The following ZZEF1 variants were observed in gnomAD, a reference collection of about 807,000 sequenced individuals.
ZZEF1 encodes zinc finger ZZ-type and EF-hand domain-containing protein 1.
A neutral mutation model predicts 342.8 loss-of-function variants in ZZEF1; 157 were observed. The ratio of observed to expected loss-of-function variants is 0.46; its 90% CI spans 0.40 to 0.52. The LOEUF (loss-of-function observed/expected upper bound fraction) is 0.52. Among genes scored for constraint, ZZEF1 ranks in the 20% least tolerant of loss-of-function variants. The pLI is 0.00. For missense variants in ZZEF1, 3,480 were observed against 3,725.6 expected, an observed-to-expected ratio of 0.93 and a Z score of 1.72; for synonymous variants, 1,505 against 1,429.1, an observed-to-expected ratio of 1.05 and a Z score of -1.20.
intron 3 of ZZEF1, among the ~76,000 whole-genome samples, chr17:4,115,529 G>A (rs1388748180): frequency 6.6e-6 from 1 of 152,022 alleles, no homozygotes; most frequent in African/African-American, 2.4e-5. Flanking sequence ...CAGGCACGGT[G>A]GCACGTGCCT....
chr17:4,077,098 C>T (rs1212905852), intron 19 of ZZEF1, 109 bp from the exon 20 acceptor site: 4 of 1,118,274 alleles, frequency 3.6e-6, no homozygotes, highest in Non-Finnish European at 4.7e-6. Flanking sequence ...GAGGGGGTTC[C>T]ACAGCGAAGA....
chr17:4,109,514 G>T, intron 6 of ZZEF1, 139 bp downstream of exon 6: 1 of 805,602 alleles, frequency 1.2e-6, no homozygotes, highest in Non-Finnish European at 2.0e-6. Flanking sequence ...GGCACGAACA[G>T]GAAACACTAG....
At chr17:4,087,601 T>C in intron 13 of ZZEF1, 67 bp from the exon 14 acceptor site, 27 of 1,334,300 alleles carry the variant, frequency 2.0e-5, no homozygotes, top group Non-Finnish European at 2.8e-5. Context: ...CTGTAATGCC[T>C]CATTTACTTC....
intron 43 of ZZEF1, among the ~76,000 whole-genome samples, chr17:4,023,872 C>A (rs1333247770): frequency 6.6e-6 from 1 of 151,958 alleles, no homozygotes; most frequent in Non-Finnish European, 1.5e-5. Context: ...ACAAACAAAC[C>A]AACCAACAAA....
At position 4,125,827 on chromosome 17, in the gene ZZEF1, T is replaced by C. The variant is rs2058564195; in HGVS notation, c.355-1776A>G. Among the ~76,000 whole-genome samples the C allele has an allele frequency of 2.0e-5, 3 of 152,056 alleles. No homozygotes were observed. In the South Asian group the frequency reaches 6.2e-4, roughly 32 times the overall value. On this transcript the variant is annotated intron_variant, in intron 1 of 54. Transcript: ENST00000381638. ...TGGGAGTCACACAGTCCTGATGAGC[T>C]ATAATGGGAAGGAGGGAAGCAGCAG...
At position 4,050,834 on chromosome 17, in the gene ZZEF1, C is replaced by G. The variant is rs555362494; in HGVS notation, c.5810G>C (p.Ser1937Thr). The G allele has an allele frequency of 1.9e-6, 3 of 1,614,082 alleles. No homozygotes were observed. The African/African-American group carries it at 4.0e-5, about 22-fold the overall frequency. ...GTCCCCGACGAGCTGCATGCACTGG[C>G]TCCGCAGGGTGGTGGCACTGCTGCG... Reference protein sequence around the residue: ...QTRSSATTLRSQCMQLVGDCL... With the variant: ...QTRSSATTLRTQCMQLVGDCL... Residue 1937 changes from serine (S) to threonine (T), a missense_variant, in exon 36 of 55, where the codon AGC (serine) becomes ACC (threonine). By Grantham distance (58) the Ser-to-Thr change is moderately conservative. Around this residue, in one of 5 missense-constraint regions of ZZEF1, gnomAD observed 1,269 missense variants for 1,342.4 expected, o/e 0.95. Coordinates refer to ENST00000381638, the MANE Select transcript of ZZEF1 (RefSeq NM_015113.4).
intron 11 of ZZEF1, among the ~76,000 whole-genome samples, chr17:4,094,594 C>T (rs2058001237): frequency 6.6e-6 from 1 of 152,202 alleles, no homozygotes; most frequent in South Asian, 2.1e-4. Flanking sequence ...CTCAGAACTT[C>T]AAATTCAACA....
At position 4,076,588 on chromosome 17, in the gene ZZEF1, T is replaced by A; in HGVS notation, c.3234+49A>T. 3 of 1,577,108 alleles carry A rather than the reference T, an allele frequency of 1.9e-6. No homozygotes were observed. In the Admixed American group the frequency reaches 5.1e-5, roughly 27 times the overall value. On this transcript the variant is annotated intron_variant, in intron 21 of 54. Transcript: ENST00000381638. ...GGTCCACTTCACTAAGTGTGTCCCA[T>A]CACTCCTGAGAGAGAACACGGGGCG...
intron 1 of ZZEF1, among the ~76,000 whole-genome samples, chr17:4,141,567 A>G (rs2058849355): frequency 6.6e-6 from 1 of 152,250 alleles, no homozygotes; most frequent in Admixed American, 6.5e-5. Context: ...AGAGAGCATC[A>G]GGAAGAATAC....
At position 4,037,225 on chromosome 17, in the gene ZZEF1, T is replaced by C. The variant is rs536328330; in HGVS notation, c.6307-2933A>G. Among the ~76,000 whole-genome samples the C allele has an allele frequency of 7.9e-5, 12 of 152,286 alleles. No individual in the cohort carries two copies. The South Asian group carries it at 2.3e-3, about 29-fold the overall frequency. On this transcript the variant is annotated intron_variant, in intron 39 of 54. Transcript: ENST00000381638. ...TTTCAAAGACTCTCCCCACTAAATA[T>C]TTACTAATAACAAAAGTGGAAAGAT...
At position 4,052,143 on chromosome 17, in the gene ZZEF1, A is replaced by T. The variant is rs755380281; in HGVS notation, c.5435-7T>A. ...CCCTCAGGCTTCACCCCACCTGAGG[A>T]GAAACACAGCAGTGTGAGGGGATGA... On this transcript the variant is annotated splice_region_variant and splice_polypyrimidine_tract_variant and intron_variant, in intron 34 of 54. Transcript: ENST00000381638. The T allele has an allele frequency of 6.2e-7, 1 of 1,607,894 alleles. No homozygotes were observed. Among genetic ancestry groups the T allele is most frequent in the Non-Finnish European group, 8.5e-7 (1 of 1,177,036 alleles).
rs922899230 is a variant in ZZEF1, at chr17:4,047,738, C to T, written c.6015+1970G>A. ...CAGGCAGATCACGAGGTCAGAAGAT[C>T]GAGACCAACCTGGCTAACATGGTGA... On this transcript the variant is annotated intron_variant, in intron 37 of 54. Transcript: ENST00000381638. 3.3e-5 allele frequency among the ~76,000 whole-genome samples: 5 copies of T among 151,534 alleles called. No homozygotes were observed. The East Asian group carries it at 5.9e-4, about 18-fold the overall frequency.
In ZZEF1 at chr17:4,014,230, A is replaced by T; in HGVS notation, c.8315-42T>A. ...CAGAGGCCCATCAGGAACTGAAGCA[A>T]CAGGGAATGGCAGCAGTGGTGTTGG... On this transcript the variant is annotated intron_variant, in intron 50 of 54. Transcript: ENST00000381638. This position sits in a 1 kb window ranked among gnomAD's most constrained non-coding sequence, Gnocchi z 4.4. 1 of 1,612,512 alleles carries T rather than the reference A, an allele frequency of 6.2e-7. No individual in the cohort carries two copies. Among genetic ancestry groups the T allele is most frequent in the Non-Finnish European group, 8.5e-7 (1 of 1,178,516 alleles).
intron 45 of ZZEF1, 21 bp downstream of exon 45, chr17:4,021,108 C>A (rs756359522): frequency 1.3e-6 from 2 of 1,576,734 alleles, no homozygotes; most frequent in Non-Finnish European, 1.7e-6. Flanking sequence ...TCCTAAGCCA[C>A]AAGATGACTC....
At chr17:4,007,243 T>C (rs555638717) in intron 54 of ZZEF1, among the ~76,000 whole-genome samples, 5 of 152,232 alleles carry the variant, frequency 3.3e-5, no homozygotes, top group African/African-American at 1.2e-4. Context: ...CTGGGAAAAC[T>C]CTCTGGGGAA....
intron 1 of ZZEF1, among the ~76,000 whole-genome samples, chr17:4,140,562 T>A (rs573081652): frequency 6.6e-6 from 1 of 152,354 alleles, no homozygotes; most frequent in South Asian, 2.1e-4. Context: ...GTCATCCAAG[T>A]GAGTGGCACT....
At chr17:4,114,272 A>C in intron 4 of ZZEF1, 27 bp downstream of exon 4, 5 of 1,482,400 alleles carry the variant, frequency 3.4e-6, no homozygotes, top group Non-Finnish European at 4.5e-6. Context: ...AATTTTAAAA[A>C]ACAAAAAAGT....
At chr17:4,022,598 C>T in intron 44 of ZZEF1, 111 bp downstream of exon 44, 1 of 1,514,088 alleles carries the variant, frequency 6.6e-7, no homozygotes, top group South Asian at 1.1e-5. Flanking sequence ...CAACACTGTA[C>T]TAAAGGAGTG....
chr17:4,134,514 G>C (rs1256493277), intron 1 of ZZEF1, among the ~76,000 whole-genome samples: 4 of 151,900 alleles, frequency 2.6e-5, no homozygotes, highest in Admixed American at 2.6e-4. Context: ...TGTAATAGGT[G>C]TGACAATTAC....
Sources: allele counts gnomAD v4.1 joint callset (sites outside exome capture counted in the v4.1 genomes callset), GRCh38; gene constraint gnomAD v4.1.1; regional missense constraint gnomAD v4.1.1; non-coding constraint Gnocchi (gnomAD v3.1); transcripts MANE v1.5; gene names NCBI Gene and HGNC (gene_info 2026-07-23, HGNC 2026-07-21).